OSBPL10: variants seen among roughly 807,000 people sequenced by gnomAD.
OSBPL10 encodes oxysterol binding protein like 10.
A neutral mutation model predicts 81.7 loss-of-function variants in OSBPL10; 49 were observed. The ratio of observed to expected loss-of-function variants is 0.60; its 90% confidence interval spans 0.48 to 0.76. The LOEUF (loss-of-function observed/expected upper bound fraction) is 0.76, where lower values mean the gene tolerates loss of function less well. Ranked by LOEUF, OSBPL10 falls within the 30% of genes least tolerant of loss-of-function variation. OSBPL10 has a pLI of 0.00. For missense variants in OSBPL10, 923 were observed against 987.8 expected, an observed-to-expected ratio of 0.93 and a Z score of 0.88; for synonymous variants, 419 against 383.6, an observed-to-expected ratio of 1.09 and a Z score of -1.08.
At chr3:31,691,367 A>T (rs1295526485) in intron 7 of OSBPL10, among the ~76,000 whole-genome samples, 1 of 152,138 alleles carries the variant, frequency 6.6e-6, no homozygotes, top group East Asian at 1.9e-4. Flanking sequence ...TCCCCACAGC[A>T]GGGAGCACAG....
chr3:31,874,494 T>C (rs1205425943), intron 3 of OSBPL10, among the ~76,000 whole-genome samples: 1 of 152,122 alleles, frequency 6.6e-6, no homozygotes, highest in Non-Finnish European at 1.5e-5. Flanking sequence ...AAAAATCCTT[T>C]GTACACAAAG....
chr3:31,814,932 G>A (rs919384470), intron 4 of OSBPL10, among the ~76,000 whole-genome samples: 11 of 152,172 alleles, frequency 7.2e-5, no homozygotes, highest in South Asian at 4.1e-4. Context: ...TGCCCTTCTC[G>A]TGGATCTGGA....
At chr3:31,949,868 T>C (rs1302438455) in intron 1 of OSBPL10, among the ~76,000 whole-genome samples, 1 of 152,068 alleles carries the variant, frequency 6.6e-6, no homozygotes, top group East Asian at 1.9e-4. Context: ...CCTCCTGACC[T>C]GAGGTCCCAC....
intron 7 of OSBPL10, among the ~76,000 whole-genome samples, chr3:31,684,719 C>T (rs1272537976): frequency 7.2e-5 from 11 of 152,184 alleles, no homozygotes; most frequent in Non-Finnish European, 2.9e-5. Context: ...ACGGGGCAGG[C>T]CCATCAGCAG....
intron 6 of OSBPL10, among the ~76,000 whole-genome samples, chr3:31,711,258 G>T (rs1376305688): frequency 1.3e-5 from 2 of 152,180 alleles, no homozygotes; most frequent in East Asian, 3.8e-4. Context: ...CCCTCTTTTG[G>T]CAAAGGAAAA....
chr3:31,797,615 A>G (rs1042972596), intron 4 of OSBPL10: 3 of 320,282 alleles, frequency 9.4e-6, no homozygotes, highest in African/African-American at 4.4e-5. Context: ...CCTCCAAACT[A>G]CAATTTCTGT....
rs749813898 is a variant in OSBPL10, at chr3:31,670,995, G to C, written c.1727-12C>G. The C allele has an allele frequency of 1.7e-5, 27 of 1,596,942 alleles. No individual in the cohort carries two copies. The highest frequency in any genetic ancestry group is 2.3e-5 in the Non-Finnish European group (27 of 1,170,614). On this transcript the variant is annotated splice_polypyrimidine_tract_variant and intron_variant, in intron 8 of 11. Transcript: ENST00000396556. The stretch of plus-strand genomic sequence containing the variant: ...GAGCCTCAACACACCTCCAGGGAGA[G>C]AGGAGGGAGAGTTAGGCATGCAAAC...
chr3:31,809,707 T>C (rs1029212931), intron 4 of OSBPL10, among the ~76,000 whole-genome samples: 5 of 152,140 alleles, frequency 3.3e-5, no homozygotes, highest in Admixed American at 2.0e-4. Context: ...TTCTGGAATA[T>C]GAATGTGCCA....
At chr3:31,909,137 A>G (rs1314773567) in intron 1 of OSBPL10, among the ~76,000 whole-genome samples, 2 of 152,246 alleles carry the variant, frequency 1.3e-5, no homozygotes, top group African/African-American at 4.8e-5. Context: ...GAGGTTAATG[A>G]GCAAAGTAAA....
At chr3:32,016,560 C>G (rs529601597) in intron 2 of OSBPL10, among the ~76,000 whole-genome samples, 2 of 152,064 alleles carry the variant, frequency 1.3e-5, no homozygotes, top group South Asian at 2.1e-4. Flanking sequence ...CAAACCTGTA[C>G]GTTGTGCACA....
chr3:31,791,551 T>C (rs1354694375), intron 4 of OSBPL10, among the ~76,000 whole-genome samples: 2 of 152,214 alleles, frequency 1.3e-5, no homozygotes, highest in African/African-American at 4.8e-5. Flanking sequence ...AACTATATTC[T>C]AATATGTGTT....
At chr3:32,043,135 C>T (rs971752178) in intron 2 of OSBPL10, among the ~76,000 whole-genome samples, 18 of 152,128 alleles carry the variant, frequency 1.2e-4, no homozygotes, top group Admixed American at 3.3e-4. Context: ...AAGACAGACA[C>T]TCCCAGAGCA....
rs144507202 is a variant in OSBPL10, at chr3:31,871,461, G to T, written c.537+4972C>A. On this transcript the variant is annotated intron_variant, in intron 3 of 11. Coordinates refer to ENST00000396556, the MANE Select transcript of OSBPL10 (RefSeq NM_017784.5). ...CACCTTAAAAGCTGTAACACTCACC[G>T]CAAGGGTCCACGGCTTCATTCTTGA... Among the ~76,000 whole-genome samples the T allele has an allele frequency of 1.1e-3, 172 of 152,294 alleles. 1 individual carries two copies. The highest frequency in any genetic ancestry group is 3.5e-3 in the African/African-American group (147 of 41,552).
intron 8 of OSBPL10, among the ~76,000 whole-genome samples, chr3:31,678,501 G>A (rs1239951508): frequency 1.3e-5 from 2 of 152,196 alleles, no homozygotes; most frequent in Non-Finnish European, 2.9e-5. Flanking sequence ...GGTAGAGAAG[G>A]AAGGATCCTG....
chr3:31,673,625 C>T (rs1700380703), intron 8 of OSBPL10, among the ~76,000 whole-genome samples: 1 of 152,190 alleles, frequency 6.6e-6, no homozygotes, highest in African/African-American at 2.4e-5. Context: ...CCCCACAGCA[C>T]TAATGGGCTA....
chr3:31,749,358 A>G (rs1261622035), intron 4 of OSBPL10, among the ~76,000 whole-genome samples: 6 of 152,202 alleles, frequency 3.9e-5, no homozygotes, highest in Admixed American at 3.9e-4. Context: ...CATTCCACAG[A>G]TGTGGTTTGA....
At chr3:31,882,669 GCACACACA>G (rs138240925) in intron 1 of OSBPL10, among the ~76,000 whole-genome samples, 6 of 150,486 alleles carry the variant, frequency 4.0e-5, no homozygotes, top group African/African-American at 9.7e-5. Context: ...GTGCACACAC[GCACACACA>G]CACACACACG....
intron 2 of OSBPL10, among the ~76,000 whole-genome samples, chr3:32,017,258 G>GT (rs1166238341): frequency 6.6e-6 from 1 of 152,172 alleles, no homozygotes; most frequent in Non-Finnish European, 1.5e-5. Context: ...TTTCAAAGAA[G>GT]TTAAAAAGCT....
chr3:31,927,216 C>A lies in OSBPL10; in HGVS notation c.282-47386G>T, dbSNP rs141485378. Among the ~76,000 whole-genome samples the A allele has an allele frequency of 1.1e-3, 168 of 152,258 alleles. 1 individual carries two copies. Among genetic ancestry groups the A allele is most frequent in the African/African-American group, 4.0e-3 (165 of 41,538 alleles). Reference sequence around the variant, plus strand: ...AAATCTGAAATAAATTAAAACTATTCATTACAAAAGTTGAATCTGAAACAT... The same window carrying A: ...AAATCTGAAATAAATTAAAACTATTAATTACAAAAGTTGAATCTGAAACAT... On this transcript the variant is annotated intron_variant, in intron 1 of 11. Transcript: ENST00000396556.
Sources: gnomAD v4.1 joint callset for allele counts (sites outside exome capture counted in the v4.1 genomes callset) on GRCh38, gnomAD v4.1.1 for gene constraint, MANE v1.5 for transcripts, NCBI Gene and HGNC (gene_info 2026-07-23, HGNC 2026-07-21) for gene names.